Variants in CASK observed in about 807,000 individuals in gnomAD.
CASK encodes the protein calcium/calmodulin dependent serine protein kinase, also known as peripheral plasma membrane protein CASK.
In CASK, 4 loss-of-function variants were observed where a neutral mutation model predicts 82.9. The observed-to-expected ratio is 0.05, with a 90% CI of 0.02 to 0.11. The LOEUF (loss-of-function observed/expected upper bound fraction) is 0.11. Among genes scored for constraint, CASK ranks in the 10% least tolerant of loss-of-function variants. The pLI is 1.00. For missense variants in CASK, 358 were observed against 720.9 expected, an observed-to-expected ratio of 0.50 and a Z score of 5.76; for synonymous variants, 259 against 253.5, an observed-to-expected ratio of 1.02 and a Z score of -0.20.
intron 1 of CASK, among the ~76,000 whole-genome samples, chrX:41,893,582 C>A (rs1168249946): frequency 9.0e-6 from 1 of 111,454 alleles, no homozygotes. Flanking sequence ...GACTGTGAGG[C>A]CCTACACAAG....
intron 5 of CASK, among the ~76,000 whole-genome samples, chrX:41,680,675 T>C (rs955751377): frequency 2.7e-5 from 3 of 110,039 alleles, no homozygotes; most frequent in Non-Finnish European, 5.7e-5. Context: ...TCTCAGCAAT[T>C]TGGAAGGCCG....
chrX:41,810,915 A>C (rs1398809020), intron 2 of CASK, among the ~76,000 whole-genome samples: 1 of 111,686 alleles, frequency 9.0e-6, no homozygotes, highest in Non-Finnish European at 1.9e-5. Flanking sequence ...AAACAAAAAA[A>C]GGCAGGGGTT....
chrX:41,789,588 A>C (rs987649224), intron 2 of CASK, among the ~76,000 whole-genome samples: 1 of 112,030 alleles, frequency 8.9e-6, no homozygotes, highest in African/African-American at 3.2e-5. Context: ...CTGGAGGGCC[A>C]GGCTGAGCCA....
intron 2 of CASK, among the ~76,000 whole-genome samples, chrX:41,846,775 A>G (rs1479479518): frequency 8.9e-6 from 1 of 112,011 alleles, no homozygotes; most frequent in Non-Finnish European, 1.9e-5. Context: ...TTTAGCATAA[A>G]TAACTACGTT....
chrX:41,683,694 T>C lies in CASK; in HGVS notation c.430-12164A>G, dbSNP rs1175763115. Among the ~76,000 whole-genome samples, 3 of 111,735 alleles carry C rather than the reference T, an allele frequency of 2.7e-5. No individual in the cohort carries two copies. In the Admixed American group the frequency reaches 2.8e-4, roughly 11 times the overall value. On this transcript the variant is annotated intron_variant, in intron 5 of 26. Transcript: ENST00000378163. ...TTTTGGGGGAGTCAAAAGTTATGCATGGATTTTCAACTGTGCGGGGATTAG... is the reference window on the plus strand; with the variant it reads ...TTTTGGGGGAGTCAAAAGTTATGCACGGATTTTCAACTGTGCGGGGATTAG...
At chrX:41,730,409 C>T (rs1238576196) in intron 5 of CASK, among the ~76,000 whole-genome samples, 7 of 111,067 alleles carry the variant, frequency 6.3e-5, no homozygotes, top group African/African-American at 2.3e-4. Flanking sequence ...TTTTTTTTTC[C>T]TTTTCTACTT....
intron 1 of CASK, among the ~76,000 whole-genome samples, chrX:41,865,704 G>T (rs1414991849): frequency 9.0e-6 from 1 of 111,325 alleles, no homozygotes; most frequent in Non-Finnish European, 1.9e-5. Context: ...ACCCTGCTTA[G>T]GTTTAGTGTG....
At chrX:41,812,018 A>G (rs1173126577) in intron 2 of CASK, among the ~76,000 whole-genome samples, 1 of 111,352 alleles carries the variant, frequency 9.0e-6, no homozygotes, top group African/African-American at 3.3e-5. Flanking sequence ...GGACACATAC[A>G]CCCTCCCAAG....
chrX:41,875,752 C>A (rs2071804632), intron 1 of CASK, among the ~76,000 whole-genome samples: 1 of 110,773 alleles, frequency 9.0e-6, no homozygotes, highest in Admixed American at 9.6e-5. Context: ...ATAGTGGAAA[C>A]CATGATTAAT....
chrX:41,861,480 G>T (rs1213284435), intron 1 of CASK, among the ~76,000 whole-genome samples: 1 of 110,407 alleles, frequency 9.1e-6, no homozygotes, highest in Non-Finnish European at 1.9e-5. Flanking sequence ...ACAAAAGTGA[G>T]AATTCTGACT....
chrX:41,656,823 C>G (rs1167571252), intron 8 of CASK, among the ~76,000 whole-genome samples: 2 of 111,197 alleles, frequency 1.8e-5, no homozygotes, highest in Admixed American at 1.9e-4. Context: ...TTCCTTCTTT[C>G]CCATATCATC....
chrX:41,856,947 G>T (rs1464301897), intron 1 of CASK, among the ~76,000 whole-genome samples: 1 of 110,770 alleles, frequency 9.0e-6, no homozygotes, highest in Non-Finnish European at 1.9e-5. Flanking sequence ...CTAACAGGGG[G>T]AATATTGGAA....
intron 1 of CASK, among the ~76,000 whole-genome samples, chrX:41,895,201 C>T (rs1375348917): frequency 1.8e-5 from 2 of 111,516 alleles, no homozygotes; most frequent in Admixed American, 1.9e-4. Flanking sequence ...ACGAGGAAAT[C>T]AAGAAAGAAT....
At chrX:41,607,864 G>A (rs1372984374) in intron 12 of CASK, among the ~76,000 whole-genome samples, 1 of 111,945 alleles carries the variant, frequency 8.9e-6, no homozygotes, top group Non-Finnish European at 1.9e-5. Context: ...TGACGGTGTG[G>A]AAAAGACCTC....
At chrX:41,768,074 T>G (rs1056256001) in intron 3 of CASK, among the ~76,000 whole-genome samples, 1 of 111,864 alleles carries the variant, frequency 8.9e-6, no homozygotes, top group African/African-American at 3.3e-5. Flanking sequence ...TATTTTATAC[T>G]TTGGATTGTA....
At chrX:41,762,598 G>A (rs2069021982) in intron 3 of CASK, among the ~76,000 whole-genome samples, 1 of 111,819 alleles carries the variant, frequency 8.9e-6, no homozygotes, top group South Asian at 3.8e-4. Flanking sequence ...TTTTGAATAA[G>A]GTCTCTTTTC....
At chrX:41,767,200 T>C (rs2069133586) in intron 3 of CASK, among the ~76,000 whole-genome samples, 1 of 112,031 alleles carries the variant, frequency 8.9e-6, no homozygotes, top group Non-Finnish European at 1.9e-5. Flanking sequence ...ATGGGTCCAC[T>C]TATATGCAGA....
chrX:41,827,663 T>C (rs1009530084), intron 2 of CASK, among the ~76,000 whole-genome samples: 6 of 112,314 alleles, frequency 5.3e-5, no homozygotes, highest in Non-Finnish European at 1.1e-4. Context: ...TCAATAAGCA[T>C]CTCAGACTAA....
At chrX:41,771,912 C>T (rs902150115) in intron 3 of CASK, among the ~76,000 whole-genome samples, 2 of 110,832 alleles carry the variant, frequency 1.8e-5, no homozygotes, top group African/African-American at 6.6e-5. Context: ...AACTATATGC[C>T]TTTAACAAGA....
Sources: allele counts gnomAD v4.1 joint callset (sites outside exome capture counted in the v4.1 genomes callset), GRCh38; gene constraint gnomAD v4.1.1; transcripts MANE v1.5; gene names NCBI Gene and HGNC (gene_info 2026-07-23, HGNC 2026-07-21).